The following BABAM1 variants were observed in gnomAD, a reference collection of about 807,000 sequenced individuals.
BABAM1 encodes the protein BRISC and BRCA1-A complex member 1.
Under a neutral mutation model 34.4 loss-of-function variants are expected in BABAM1, and 14 were observed. The ratio of observed to expected loss-of-function variants is 0.41; its 90% CI spans 0.27 to 0.64. BABAM1 has a LOEUF of 0.64. BABAM1 is among the 30% of genes least tolerant of loss of function. The probability of loss-of-function intolerance (pLI) is 0.34; values close to 1 mark genes in which losing one functional copy is unlikely to be tolerated. For synonymous variants in BABAM1, 169 were observed against 165.8 expected (o/e 1.02, Z -0.15); for missense variants, 393 against 434.0 (o/e 0.91, Z 0.84).
intron 3 of BABAM1, among the ~76,000 whole-genome samples, chr19:17,272,475 C>T (rs922751058): frequency 4.0e-5 from 6 of 151,264 alleles, no homozygotes; most frequent in East Asian, 2.1e-4. Flanking sequence ...GTGCGATCTC[C>T]GCTCACTGCA....
intron 2 of BABAM1, among the ~76,000 whole-genome samples, chr19:17,269,698 T>C (rs2073815845): frequency 6.6e-6 from 1 of 151,942 alleles, no homozygotes; most frequent in African/African-American, 2.4e-5. Flanking sequence ...TTCCTTGGAT[T>C]GTGGCTGCAT....
chr19:17,269,128 AGGGAACCTAGCATCTT>A (rs2073807185), intron 2 of BABAM1, 37 bp downstream of exon 2: 1 of 1,533,480 alleles, frequency 6.5e-7, no homozygotes, highest in Non-Finnish European at 8.8e-7. Flanking sequence ...CTGAGATGCT[AGGGAACCTAGCATCTT>A]GTCTTTTGGG....
rs2073946703 is a variant in BABAM1 at position 17,279,247 on chromosome 19, C to G, written c.*199C>G. On this transcript the variant is annotated 3_prime_UTR_variant, in exon 9 of 9. Coordinates refer to ENST00000598188, the MANE Select transcript of BABAM1 (RefSeq NM_014173.4). ...GTGGGCACCCATTTTCTGTGTCTCC[C>G]AGCCCATTTCCACTCCTAGTTTGTC... 4 of 535,084 alleles carry G rather than the reference C, an allele frequency of 7.5e-6. No homozygotes were observed. The highest frequency in any genetic ancestry group is 9.8e-6 in the Non-Finnish European group (3 of 305,988). 33.1% of individuals were successfully genotyped at this position (535,084 alleles called of 1,614,324 possible).
In BABAM1 at chr19:17,268,938, C is replaced by T. The variant is rs767035601; in HGVS notation, c.132C>T (p.Ser44=). 18 of 1,574,890 alleles carry T rather than the reference C, an allele frequency of 1.1e-5. No homozygotes were observed. In the East Asian group the frequency reaches 2.8e-4, roughly 25 times the overall value. The change falls in exon 2 of 9, where the codon AGC becomes AGT. Residue 44 remains serine, a synonymous_variant. Transcript: ENST00000598188. The part of the protein sequence containing the change: ...AEDRAVGAQA[S]VGSRSEGEGE... ...ACCGGGCAGTAGGGGCACAGGCCAG[C>T]GTGGGCAGCCGCAGCGAGGGTGAGG... is the stretch of plus-strand genomic sequence containing the variant.
chr19:17,271,504 T>A, intron 2 of BABAM1, 93 bp from the exon 3 acceptor site: 7 of 1,431,136 alleles, frequency 4.9e-6, no homozygotes, highest in Non-Finnish European at 6.8e-6. Context: ...CATACTGCCT[T>A]TTCAGACAAG....
chr19:17,268,620 G>T lies in BABAM1; in HGVS notation c.-13-174G>T, dbSNP rs1238614687. On this transcript the variant is annotated intron_variant, in intron 1 of 8. Transcript: ENST00000598188. Reference sequence around the variant, plus strand: ...AATTTTGTATTTTTAGTTGAGACGGGGTTTCTCCATGTTGGTCAGGCTGGT... The same window carrying T: ...AATTTTGTATTTTTAGTTGAGACGGTGTTTCTCCATGTTGGTCAGGCTGGT... 8.2e-6 allele frequency: 5 copies of T among 609,036 alleles called. No homozygotes were observed. The East Asian group carries it at 1.5e-4, about 19-fold the overall frequency. 37.7% of individuals were successfully genotyped at this position (609,036 alleles called of 1,614,324 possible). A position where few individuals can be genotyped will look rare whatever the true frequency, so the allele number is the denominator to read the frequency against.
Position 17,268,904 on chromosome 19 carries a change from G to A in BABAM1, c.98G>A (p.Gly33Glu). 6.3e-7 allele frequency: 1 copy of A among 1,587,184 alleles called. No homozygotes were observed. ...PRPRTRSNPE[G>E]AEDRAVGAQA... ...CCCCGCACTCGCTCCAATCCTGAAG[G>A]GGCTGAGGACCGGGCAGTAGGGGCA... The change falls in exon 2 of 9, where the codon GGG becomes GAG. Residue 33 changes from glycine to glutamate, a missense_variant. By Grantham distance (98) the Gly-to-Glu change is moderately conservative (BLOSUM62 -2). Transcript: ENST00000598188.
At chr19:17,269,499 C>T (rs970738953) in intron 2 of BABAM1, among the ~76,000 whole-genome samples, 7 of 151,768 alleles carry the variant, frequency 4.6e-5, no homozygotes, top group African/African-American at 1.7e-4. Flanking sequence ...TACAAGTGCC[C>T]ACCACAACGC....
In BABAM1 at chr19:17,276,859, G is replaced by A. The variant is rs373345419; in HGVS notation, c.736G>A (p.Val246Ile). Reference protein sequence around the residue: ...FQCPYFFFDVVYIHNGTEEKE... With the variant: ...FQCPYFFFDVIYIHNGTEEKE... The stretch of plus-strand genomic sequence containing the variant: ...GTGCCCATATTTCTTCTTTGACGTT[G>A]TTTACATCCACAATGGCACTGAGGA... The change falls in exon 8 of 9, where the codon GTT becomes ATT. Residue 246 changes from valine to isoleucine, a missense_variant. Val to Ile is a conservative substitution (Grantham distance 29). Transcript: ENST00000598188. 4.4e-6 allele frequency: 7 copies of A among 1,605,394 alleles called. No individual in the cohort carries two copies. Among genetic ancestry groups the A allele is most frequent in the Non-Finnish European group, 5.1e-6 (6 of 1,175,900 alleles).
chr19:17,279,178 T>A lies in BABAM1; in HGVS notation c.*130T>A. Reference sequence around the variant, plus strand: ...GAGGCACGTAGGGTACCTTGCAGGGTCCTAGGAGGGAAACCCAGGATTCCA... The same window carrying A: ...GAGGCACGTAGGGTACCTTGCAGGGACCTAGGAGGGAAACCCAGGATTCCA... On this transcript the variant is annotated 3_prime_UTR_variant, in exon 9 of 9. Coordinates refer to ENST00000598188, the MANE Select transcript of BABAM1 (RefSeq NM_014173.4). 1.1e-6 allele frequency: 1 copy of A among 930,058 alleles called. No homozygotes were observed. Among genetic ancestry groups the A allele is most frequent in the South Asian group, 1.9e-5 (1 of 54,048 alleles). 57.6% of individuals were successfully genotyped at this position (930,058 alleles called of 1,614,324 possible). A position where few individuals can be genotyped will look rare whatever the true frequency, so the allele number is the denominator to read the frequency against.
chr19:17,278,815 G>A, intron 8 of BABAM1, 30 bp from the exon 9 acceptor site: 1 of 1,590,526 alleles, frequency 6.3e-7, no homozygotes. Flanking sequence ...TGCCTGAACA[G>A]CCCTTCACTG....
At chr19:17,273,559 G>GTTTTTT (rs1252906493) in intron 3 of BABAM1, among the ~76,000 whole-genome samples, 9 of 24,614 alleles carry the variant, frequency 3.7e-4, no homozygotes, top group Non-Finnish European at 6.8e-4. Flanking sequence ...TTTTTTGTTT[G>GTTTTTT]TTTTGTTTTT....
Position 17,279,064 on chromosome 19 carries a change from C to G in BABAM1, c.*16C>G. The G allele has an allele frequency of 6.3e-7, 1 of 1,598,662 alleles. No individual in the cohort carries two copies. The highest frequency in any genetic ancestry group is 8.5e-7 in the Non-Finnish European group (1 of 1,170,304). On this transcript the variant is annotated 3_prime_UTR_variant, in exon 9 of 9. Transcript: ENST00000598188. ...CACTGTCTGAACCATCCCTGTACAT[C>G]TGCACCTTCTTGTGCAAGGAAGTCC...
At chr19:17,275,383 C>T (rs1410046016) in intron 5 of BABAM1, among the ~76,000 whole-genome samples, 1 of 152,072 alleles carries the variant, frequency 6.6e-6, no homozygotes, top group Non-Finnish European at 1.5e-5. Flanking sequence ...CTCCACCTCC[C>T]GAGTTCAAGC....
chr19:17,269,231 C>A, intron 2 of BABAM1, 140 bp downstream of exon 2: 3 of 1,136,346 alleles, frequency 2.6e-6, no homozygotes, highest in Non-Finnish European at 3.6e-6. Flanking sequence ...TAGCTTTCAA[C>A]AAGAGAAATT....
intron 5 of BABAM1, chr19:17,274,471 G>A (rs1173305510): frequency 4.8e-6 from 2 of 412,386 alleles, no homozygotes; most frequent in Non-Finnish European, 8.9e-6. Context: ...GCGAGGCTGA[G>A]GCACAAGAAT....
At chr19:17,276,761 A>G (rs1290904713) in intron 7 of BABAM1, 62 bp from the exon 8 acceptor site, 13 of 1,560,294 alleles carry the variant, frequency 8.3e-6, no homozygotes, top group Admixed American at 1.9e-5. Context: ...TGGGGGAGCT[A>G]TAGTCATGGG....
chr19:17,278,551 T>C lies in BABAM1; in HGVS notation c.787-294T>C, dbSNP rs546631559. On this transcript the variant is annotated intron_variant, in intron 8 of 8. Coordinates refer to ENST00000598188, the MANE Select transcript of BABAM1 (RefSeq NM_014173.4). ...GTCTTGATCTCCTGACCTTGTGATC[T>C]GCCCGCCTCAGCCTCCCAAAGTGCT... 6.0e-4 allele frequency among the ~76,000 whole-genome samples: 91 copies of C among 152,180 alleles called. 1 individual carries two copies. In the South Asian group the frequency reaches 0.017, roughly 28 times the overall value.
Position 17,270,783 on chromosome 19 carries a change from G to A in BABAM1, c.286-814G>A, listed in dbSNP as rs1461404239. 2.6e-5 allele frequency among the ~76,000 whole-genome samples: 4 copies of A among 151,986 alleles called. No homozygotes were observed. In the East Asian group the frequency reaches 7.7e-4, roughly 29 times the overall value. On this transcript the variant is annotated intron_variant, in intron 2 of 8. Coordinates refer to ENST00000598188, the MANE Select transcript of BABAM1 (RefSeq NM_014173.4). ...GCTCACTGCAAGCTCCGCCTCCTGG[G>A]TTCACTCCATTCTCCTGCCTCAGCC...
Sources: gnomAD v4.1 joint callset for allele counts (sites outside exome capture counted in the v4.1 genomes callset) on GRCh38, gnomAD v4.1.1 for gene constraint, MANE v1.5 for transcripts, NCBI Gene and HGNC (gene_info 2026-07-23, HGNC 2026-07-21) for gene names.